The following KCNQ1 variants were observed in gnomAD, a reference collection of about 807,000 sequenced individuals.
The protein encoded by KCNQ1 is potassium voltage-gated channel subfamily Q member 1, also known as potassium voltage-gated channel subfamily KQT member 1.
Under a neutral mutation model 72.4 loss-of-function variants are expected in KCNQ1, and 49 were observed. That is an observed-to-expected ratio of 0.68 (90% CI 0.54 to 0.86). The LOEUF is 0.86. Among genes scored for constraint, KCNQ1 ranks in the 40% least tolerant of loss-of-function variants. The pLI, the probability that KCNQ1 is intolerant of heterozygous loss-of-function variation, is 0.00. For synonymous variants in KCNQ1, 450 were observed against 412.6 expected (o/e 1.09, Z -1.10); for missense variants, 790 against 945.1 (o/e 0.84, Z 2.15).
chr11:2,801,590 TCA>T (rs1342183889), intron 15 of KCNQ1, among the ~76,000 whole-genome samples: 2 of 152,234 alleles, frequency 1.3e-5, no homozygotes, highest in African/African-American at 4.8e-5. Context: ...GGCCCTGCCT[TCA>T]CAGTCTCCTT....
intron 11 of KCNQ1, among the ~76,000 whole-genome samples, chr11:2,714,939 G>A (rs1851065640): frequency 6.6e-6 from 1 of 151,994 alleles, no homozygotes. Flanking sequence ...ATACTCTAAT[G>A]GGGGCACAAA....
Position 2,544,282 on chromosome 11 carries a change from G to GTA in KCNQ1, c.477+16274_477+16275dup, listed in dbSNP as rs3032767. On this transcript the variant is annotated intron_variant, in intron 2 of 15. Coordinates refer to ENST00000155840, the MANE Select transcript of KCNQ1 (RefSeq NM_000218.3). This position sits in a 1 kb window ranked among gnomAD's most constrained non-coding sequence, Gnocchi z 4.4. Reference sequence around the variant, plus strand: ...TATGTGTGTGTGTGTATATATATGTGTATATATATATGTATATATGTGTAT... The same window carrying GTA: ...TATGTGTGTGTGTGTATATATATGTGTATATATATATATGTATATATGTGTAT... Among the ~76,000 whole-genome samples the GTA allele has an allele frequency of 2.5e-4, 36 of 141,300 alleles. No individual in the cohort carries two copies. The highest frequency in any genetic ancestry group is 4.9e-4 in the Admixed American group (7 of 14,184). 92.7% of individuals were successfully genotyped at this position (141,300 alleles called of 152,430 possible). A position where few individuals can be genotyped will look rare whatever the true frequency, so the allele number is the denominator to read the frequency against.
intron 1 of KCNQ1, among the ~76,000 whole-genome samples, chr11:2,512,491 C>T (rs370100991): frequency 6.6e-6 from 1 of 152,228 alleles, no homozygotes; most frequent in East Asian, 1.9e-4. Flanking sequence ...CCTGGGATGA[C>T]AACCCCTCCC....
rs978365203 is a variant in KCNQ1, at chr11:2,492,152, G to C, written c.387-35776G>C. 6.6e-6 allele frequency among the ~76,000 whole-genome samples: 1 copy of C among 152,108 alleles called. No individual in the cohort carries two copies. Among genetic ancestry groups the C allele is most frequent in the South Asian group, 2.1e-4 (1 of 4,826 alleles). ...TGATGTGAAGGTACAAAACTCACTG[G>C]TAATACATACACAGAAATACAAATA... is the stretch of plus-strand genomic sequence containing the variant. On this transcript the variant is annotated intron_variant, in intron 1 of 15. Transcript: ENST00000155840. The surrounding 1 kb of genome is among the most constrained non-coding windows in gnomAD (Gnocchi z 4.1).
chr11:2,510,870 T>C (rs1847189161), intron 1 of KCNQ1, among the ~76,000 whole-genome samples: 3 of 152,186 alleles, frequency 2.0e-5, no homozygotes, highest in South Asian at 4.1e-4. Flanking sequence ...TCTGCTCCCC[T>C]GGCCCAGACC....
rs1850131935 is a variant in KCNQ1 at position 2,668,926 on chromosome 11, C to A, written c.1514+6845C>A. ...TTTATTCTAAAGCTTTATTAGCTCA[C>A]CTTTCCCATGTAGATCTGCACTCCA... On this transcript the variant is annotated intron_variant, in intron 11 of 15. Transcript: ENST00000155840. This position sits in a 1 kb window ranked among gnomAD's most constrained non-coding sequence, Gnocchi z 4.3. The A allele has an allele frequency of 2.5e-6, 1 of 398,500 alleles. No homozygotes were observed. The highest frequency in any genetic ancestry group is 2.1e-5 in the African/African-American group (1 of 48,606). The allele number at this position is 398,500 out of a possible 1,614,324, so 24.7% of individuals were successfully genotyped here.
rs574542635 is a variant in KCNQ1 at position 2,492,605 on chromosome 11, T to C, written c.387-35323T>C. ...CAACTTCCACTTATGAGTGAGAACA[T>C]ATGGTGTTTGGTTTTCTGTTCCTGT... On this transcript the variant is annotated intron_variant, in intron 1 of 15. Transcript: ENST00000155840. The surrounding 1 kb of genome is among the most constrained non-coding windows in gnomAD (Gnocchi z 4.1). 1.4e-3 allele frequency among the ~76,000 whole-genome samples: 218 copies of C among 152,266 alleles called. No individual in the cohort carries two copies. The highest frequency in any genetic ancestry group is 5.0e-3 in the African/African-American group (206 of 41,552).
At chr11:2,777,822 G>A (rs1433204020) in intron 14 of KCNQ1, 154 bp from the exon 15 acceptor site, 1 of 681,472 alleles carries the variant, frequency 1.5e-6, no homozygotes, top group Non-Finnish European at 2.6e-6. Context: ...TGGTATTTTT[G>A]TCATAGCATG....
chr11:2,689,710 C>T (rs549830003), intron 11 of KCNQ1: 3 of 398,640 alleles, frequency 7.5e-6, no homozygotes, highest in South Asian at 1.3e-4. Flanking sequence ...GTCCTTTGCA[C>T]CTGGGCCTAG....
Position 2,592,061 on chromosome 11 carries a change from C to G in KCNQ1, c.1393+3207C>G, listed in dbSNP as rs988685927. On this transcript the variant is annotated intron_variant, in intron 10 of 15. Transcript: ENST00000155840. The surrounding 1 kb of genome is among the most constrained non-coding windows in gnomAD (Gnocchi z 5.2). ...CGCAAAGTCAAACCCAGGCCTCGAC[C>G]TTGTCTGGCTGTGCTTTCTGTTGTG... is the stretch of plus-strand genomic sequence containing the variant. 6.6e-6 allele frequency among the ~76,000 whole-genome samples: 1 copy of G among 152,250 alleles called. No homozygotes were observed. The highest frequency in any genetic ancestry group is 1.5e-5 in the Non-Finnish European group (1 of 68,040).
At chr11:2,646,545 A>C (rs934868164) in intron 10 of KCNQ1, 10 of 398,512 alleles carry the variant, frequency 2.5e-5, no homozygotes, top group Non-Finnish European at 4.4e-5. Flanking sequence ...AGGGGAGTGC[A>C]GACAGGGTCT....
chr11:2,645,883 C>G lies in KCNQ1; in HGVS notation c.1394-16078C>G. 1 of 398,648 alleles carries G rather than the reference C, an allele frequency of 2.5e-6. No individual in the cohort carries two copies. 24.7% of individuals were successfully genotyped at this position (398,648 alleles called of 1,614,324 possible). A position where few individuals can be genotyped will look rare whatever the true frequency, so the allele number is the denominator to read the frequency against. On this transcript the variant is annotated intron_variant, in intron 10 of 15. Transcript: ENST00000155840. This position sits in a 1 kb window ranked among gnomAD's most constrained non-coding sequence, Gnocchi z 5.8. ...TGCCTGAGGATTCAGGGTGATCTCC[C>G]TCTCTGGGAGCTGTTCATTGCCATT...
At chr11:2,632,482 G>A (rs1564839559) in intron 10 of KCNQ1, 1 of 398,320 alleles carries the variant, frequency 2.5e-6, no homozygotes, top group Non-Finnish European at 4.4e-6. Context: ...CCATTATGAT[G>A]CTCCTTGTGG....
chr11:2,461,483 G>C (rs2133582116), intron 1 of KCNQ1: 1 of 1,294,122 alleles, frequency 7.7e-7, no homozygotes, highest in Admixed American at 2.3e-5. Context: ...GCTGTGAGAG[G>C]CCCGGGAAGG....
chr11:2,603,011 C>CT lies in KCNQ1; in HGVS notation c.1393+14163dup, dbSNP rs1848828994. Among the ~76,000 whole-genome samples, 1 of 152,128 alleles carries CT rather than the reference C, an allele frequency of 6.6e-6. No individual in the cohort carries two copies. Among genetic ancestry groups the CT allele is most frequent in the Non-Finnish European group, 1.5e-5 (1 of 68,016 alleles). On this transcript the variant is annotated intron_variant, in intron 10 of 15. Transcript: ENST00000155840. This position sits in a 1 kb window ranked among gnomAD's most constrained non-coding sequence, Gnocchi z 4.1. ...GGACCCCAAATATCTTCTGCTATAG[C>CT]TTTTTTCTAACAGCCTTGTGGAGAT...
rs1324864724 is a variant in KCNQ1 at position 2,620,289 on chromosome 11, T to C, written c.1393+31435T>C. The C allele has an allele frequency of 4.6e-6, 1 of 216,090 alleles. No individual in the cohort carries two copies. Among genetic ancestry groups the C allele is most frequent in the Non-Finnish European group, 8.9e-6 (1 of 112,956 alleles). The allele number at this position is 216,090 out of a possible 1,614,324, so 13.4% of individuals were successfully genotyped here. A position where few individuals can be genotyped will look rare whatever the true frequency, so the allele number is the denominator to read the frequency against. The stretch of plus-strand genomic sequence containing the variant: ...TGGAGGGCAATGGCATGATCTCGGC[T>C]CACTGCAGCCTCCGCCTACCGGGTT... On this transcript the variant is annotated intron_variant, in intron 10 of 15. Transcript: ENST00000155840. The surrounding 1 kb of genome is among the most constrained non-coding windows in gnomAD (Gnocchi z 4.5).
chr11:2,511,249 A>G (rs1429351242), intron 1 of KCNQ1, among the ~76,000 whole-genome samples: 1 of 152,082 alleles, frequency 6.6e-6, no homozygotes, highest in Non-Finnish European at 1.5e-5. Flanking sequence ...GGGGTGGGGA[A>G]GGGGGCAGCC....
rs1295378547 is a variant in KCNQ1 at position 2,830,448 on chromosome 11, C to T, written c.1795-17319C>T. On this transcript the variant is annotated intron_variant, in intron 15 of 15. Transcript: ENST00000155840. This position sits in a 1 kb window ranked among gnomAD's most constrained non-coding sequence, Gnocchi z 7.7. ...TCCCCTGTTAAAGGACCTAGGTCCT[C>T]CCAATGGCCTGCAAACCACACCCAG... Among the ~76,000 whole-genome samples the T allele has an allele frequency of 6.6e-6, 1 of 152,110 alleles. No homozygotes were observed. The highest frequency in any genetic ancestry group is 1.5e-5 in the Non-Finnish European group (1 of 67,986).
chr11:2,760,161 C>A (rs111745975), intron 11 of KCNQ1, among the ~76,000 whole-genome samples: 48 of 152,280 alleles, frequency 3.2e-4, no homozygotes, highest in African/African-American at 1.1e-3. Flanking sequence ...GCACTGGGGG[C>A]TCCTGGCTTT....
Sources: allele counts gnomAD v4.1 joint callset (sites outside exome capture counted in the v4.1 genomes callset), GRCh38; gene constraint gnomAD v4.1.1; non-coding constraint Gnocchi (gnomAD v3.1); transcripts MANE v1.5; gene names NCBI Gene and HGNC (gene_info 2026-07-23, HGNC 2026-07-21).